NRDE2: variants seen among roughly 807,000 people sequenced by gnomAD.
NRDE2 encodes the protein nuclear exosome regulator NRDE2.
A neutral mutation model predicts 124.2 loss-of-function variants in NRDE2; 76 were observed. The ratio of observed to expected loss-of-function variants is 0.61; its 90% CI spans 0.51 to 0.74. The LOEUF (loss-of-function observed/expected upper bound fraction) is 0.74. Ranked by LOEUF, NRDE2 falls within the 30% of genes least tolerant of loss-of-function variation. NRDE2 has a pLI of 0.00. For missense variants in NRDE2, 1,314 were observed against 1,417.3 expected (o/e 0.93, Z 1.17); for synonymous variants, 489 against 528.1 (o/e 0.93, Z 1.01).
In NRDE2 at chr14:90,268,242, A is replaced by G; in HGVS notation, c.*10094T>C. 6.3e-7 allele frequency: 1 copy of G among 1,590,410 alleles called. No individual in the cohort carries two copies. The highest frequency in any genetic ancestry group is 8.5e-7 in the Non-Finnish European group (1 of 1,171,502). On this transcript the variant is annotated 3_prime_UTR_variant, in exon 14 of 14. Transcript: ENST00000354366. ...AAAATAGGTAAAACCTTGTTAGCCAAAGCAGTAGCAAACCAAACCTCAGCC... is the reference window on the plus strand; with the variant it reads ...AAAATAGGTAAAACCTTGTTAGCCAGAGCAGTAGCAAACCAAACCTCAGCC...
At chr14:90,284,405 G>A (rs888237686) in intron 12 of NRDE2, among the ~76,000 whole-genome samples, 6 of 150,088 alleles carry the variant, frequency 4.0e-5, no homozygotes, top group African/African-American at 1.5e-4. Flanking sequence ...CAGGAGTGCA[G>A]TGGTGCGATC....
Position 90,292,868 on chromosome 14 carries a change from C to T in NRDE2, c.1671G>A (p.Glu557=), listed in dbSNP as rs1892310972. ...CATCCTCTTCTGGTTCATCGTCATC[C>T]TCATCTAGACAAGAATGAGACTTCT... is the stretch of plus-strand genomic sequence containing the variant. ...RGGWVVINPD[E]DDDEPEEDDQ... Residue 557 remains glutamate, a synonymous_variant, in exon 9 of 14, where the codon GAG becomes GAA. Coordinates refer to ENST00000354366, the MANE Select transcript of NRDE2 (RefSeq NM_017970.4). The T allele has an allele frequency of 1.2e-6, 2 of 1,612,852 alleles. No homozygotes were observed. Among genetic ancestry groups the T allele is most frequent in the Admixed American group, 3.3e-5 (2 of 59,928 alleles).
chr14:90,314,554 T>A (rs1341425896), intron 3 of NRDE2, among the ~76,000 whole-genome samples: 3 of 152,204 alleles, frequency 2.0e-5, no homozygotes, highest in Non-Finnish European at 4.4e-5. Context: ...GTTCTAAAGA[T>A]AGTTCCTGTG....
chr14:90,317,275 C>CA (rs200937108), intron 2 of NRDE2, among the ~76,000 whole-genome samples: 2 of 151,336 alleles, frequency 1.3e-5, no homozygotes, highest in African/African-American at 4.9e-5. Context: ...TAATAATTTT[C>CA]AAAAAAAATC....
intron 1 of NRDE2, among the ~76,000 whole-genome samples, chr14:90,327,272 C>T (rs935627760): frequency 6.6e-6 from 1 of 152,178 alleles, no homozygotes; most frequent in Non-Finnish European, 1.5e-5. Flanking sequence ...GGGTCAGGCC[C>T]GGCATGATGG....
chr14:90,296,504 C>T (rs1177203970), intron 8 of NRDE2, among the ~76,000 whole-genome samples: 2 of 152,310 alleles, frequency 1.3e-5, no homozygotes, highest in East Asian at 1.9e-4. Context: ...ACCTGAAGGG[C>T]CCCTCTCGCT....
Position 90,269,406 on chromosome 14 carries a change from C to T in NRDE2, c.*8930G>A, listed in dbSNP as rs1182972409. On this transcript the variant is annotated 3_prime_UTR_variant, in exon 14 of 14. Coordinates refer to ENST00000354366, the MANE Select transcript of NRDE2 (RefSeq NM_017970.4). Reference sequence around the variant, plus strand: ...TTTTTTTTTTCCAAAGATATGACTCCAATTCTGGTGGTGAGAGAGAAATTC... The same window carrying T: ...TTTTTTTTTTCCAAAGATATGACTCTAATTCTGGTGGTGAGAGAGAAATTC... The T allele has an allele frequency of 1.9e-6, 3 of 1,605,552 alleles. No homozygotes were observed. The highest frequency in any genetic ancestry group is 2.7e-5 in the African/African-American group (2 of 74,384).
At chr14:90,295,490 AC>A (rs1884111015) in intron 8 of NRDE2, among the ~76,000 whole-genome samples, 1 of 152,172 alleles carries the variant, frequency 6.6e-6, no homozygotes, top group African/African-American at 2.4e-5. Context: ...TCCTTTAATC[AC>A]CCTGAAAAAC....
intron 6 of NRDE2, chr14:90,301,717 ATTT>A (rs1164955956): frequency 2.2e-6 from 1 of 454,236 alleles, no homozygotes. Flanking sequence ...GGCGTAGCAG[ATTT>A]TTATCAGAAA....
At chr14:90,283,988 G>C (rs1280831993) in intron 12 of NRDE2, among the ~76,000 whole-genome samples, 13 of 152,160 alleles carry the variant, frequency 8.5e-5, no homozygotes. Flanking sequence ...TGGGATTACA[G>C]GCATGAGCCA....
At chr14:90,287,935 G>A (rs995910474) in intron 11 of NRDE2, among the ~76,000 whole-genome samples, 11 of 152,048 alleles carry the variant, frequency 7.2e-5, no homozygotes, top group African/African-American at 2.4e-4. Flanking sequence ...CAGCATTCCC[G>A]TGATCTGACA....
chr14:90,286,301 G>A, intron 12 of NRDE2, 53 bp downstream of exon 12: 1 of 1,557,676 alleles, frequency 6.4e-7, no homozygotes, highest in Non-Finnish European at 8.7e-7. Flanking sequence ...TCTCATTTAT[G>A]AAGGAAGAGG....
At chr14:90,311,803 G>A (rs1242601675) in intron 4 of NRDE2, among the ~76,000 whole-genome samples, 1 of 151,970 alleles carries the variant, frequency 6.6e-6, no homozygotes, top group Non-Finnish European at 1.5e-5. Flanking sequence ...AAGTCATAAT[G>A]TTTTAAGAAA....
intron 5 of NRDE2, among the ~76,000 whole-genome samples, chr14:90,303,649 C>T (rs951638585): frequency 6.6e-5 from 10 of 152,114 alleles, no homozygotes; most frequent in Non-Finnish European, 8.8e-5. Flanking sequence ...TGAACTTCAC[C>T]TTCTCCTTGG....
At chr14:90,292,631 G>C in intron 9 of NRDE2, 66 bp downstream of exon 9, 2 of 1,540,684 alleles carry the variant, frequency 1.3e-6, no homozygotes, top group Non-Finnish European at 1.8e-6. Flanking sequence ...TAACCAAAGC[G>C]CATGGGAATG....
At chr14:90,326,402 G>A (rs1437971261) in intron 1 of NRDE2, among the ~76,000 whole-genome samples, 4 of 151,606 alleles carry the variant, frequency 2.6e-5, no homozygotes, top group African/African-American at 9.7e-5. Flanking sequence ...GCTGAGGCAG[G>A]AGAATGGCGT....
At position 90,268,276 on chromosome 14, in the gene NRDE2, G is replaced by C; in HGVS notation, c.*10060C>G. ...CAAACCAAACCTCAGCCACTTTCTT[G>C]AGAGTGGTTGGCTCTGAACTTATTC... is the stretch of plus-strand genomic sequence containing the variant. On this transcript the variant is annotated 3_prime_UTR_variant, in exon 14 of 14. Transcript: ENST00000354366. The C allele has an allele frequency of 6.2e-7, 1 of 1,609,736 alleles. No individual in the cohort carries two copies. The highest frequency in any genetic ancestry group is 8.5e-7 in the Non-Finnish European group (1 of 1,177,918).
In NRDE2 at chr14:90,304,879, T is replaced by C. The variant is rs1422404214; in HGVS notation, c.558-497A>G. On this transcript the variant is annotated intron_variant, in intron 4 of 13. Transcript: ENST00000354366. ...AAGATAACATATAGGCCTAAGATTC[T>C]TTTTTTAATCCTGAAACAAAGTATG... Among the ~76,000 whole-genome samples the C allele has an allele frequency of 3.3e-5, 5 of 152,196 alleles. No individual in the cohort carries two copies. In the South Asian group the frequency reaches 1.0e-3, roughly 32 times the overall value.
chr14:90,283,101 C>G (rs893500559), intron 12 of NRDE2, among the ~76,000 whole-genome samples: 1 of 152,192 alleles, frequency 6.6e-6, no homozygotes. Flanking sequence ...TCCCTTCTCC[C>G]GCCTCTTCAG....
Sources: allele counts gnomAD v4.1 joint callset (sites outside exome capture counted in the v4.1 genomes callset), GRCh38; gene constraint gnomAD v4.1.1; transcripts MANE v1.5; gene names NCBI Gene and HGNC (gene_info 2026-07-23, HGNC 2026-07-21).